Variants in GK5 observed in about 807,000 individuals in gnomAD.
The protein encoded by GK5 is ATP:glycerol 3-phosphotransferase 5.
A neutral mutation model predicts 77.3 loss-of-function variants in GK5; 39 were observed. The ratio of observed to expected loss-of-function variants is 0.50; its 90% CI spans 0.39 to 0.66. The LOEUF is 0.66. Among genes scored for constraint, GK5 ranks in the 30% least tolerant of loss-of-function variants. The pLI, the probability that GK5 is intolerant of heterozygous loss-of-function variation, is 0.00. For missense variants in GK5, 487 were observed against 633.8 expected (o/e 0.77, Z 2.49); for synonymous variants, 211 against 208.0 (o/e 1.01, Z -0.13).
chr3:142,183,079 T>G, intron 9 of GK5, 30 bp from the exon 10 acceptor site: 1 of 1,608,812 alleles, frequency 6.2e-7, no homozygotes. Context: ...GTAAACCCAT[T>G]GCCCTTAACA....
intron 12 of GK5, among the ~76,000 whole-genome samples, chr3:142,175,280 C>T (rs1276992569): frequency 1.3e-5 from 2 of 152,094 alleles, no homozygotes; most frequent in Non-Finnish European, 2.9e-5. Flanking sequence ...CTAACTGATG[C>T]CACCCCCAGT....
intron 12 of GK5, among the ~76,000 whole-genome samples, chr3:142,176,054 T>G (rs1271418354): frequency 6.6e-6 from 1 of 151,888 alleles, no homozygotes; most frequent in Non-Finnish European, 1.5e-5. Flanking sequence ...AGATAAAAAA[T>G]TTTCACTTTC....
chr3:142,190,703 G>C (rs1446868405), intron 5 of GK5, among the ~76,000 whole-genome samples: 1 of 152,150 alleles, frequency 6.6e-6, no homozygotes, highest in Non-Finnish European at 1.5e-5. Flanking sequence ...ATTTGATAAA[G>C]TACAAAGGAT....
intron 9 of GK5, chr3:142,185,271 G>C (rs2063753275): frequency 2.9e-6 from 1 of 348,266 alleles, no homozygotes; most frequent in African/African-American, 2.2e-5. Flanking sequence ...AAATTAGCCA[G>C]GTGTCGTGGC....
In GK5 at chr3:142,170,589, C is replaced by G. The variant is rs1163412449; in HGVS notation, c.1308-131G>C. On this transcript the variant is annotated intron_variant, in intron 14 of 15. Transcript: ENST00000392993. The stretch of plus-strand genomic sequence containing the variant: ...TTACTTTTTAATTCTAAAATTAAAT[C>G]ACTTAGCATTAACCTAATGACAGAG... The G allele has an allele frequency of 1.4e-5, 10 of 719,226 alleles. No individual in the cohort carries two copies. The East Asian group carries it at 1.7e-4, about 12-fold the overall frequency. The allele number at this position is 719,226 out of a possible 1,614,324, so 44.6% of individuals were successfully genotyped here.
Position 142,204,675 on chromosome 3 carries a change from T to A in GK5, c.411+20A>T, listed in dbSNP as rs755524536. ...AAAAAAAAAACCAACAATATCCAAA[T>A]CACACAAGAAAAAGATTACCTTCAT... On this transcript the variant is annotated intron_variant, in intron 4 of 15. Coordinates refer to ENST00000392993, the MANE Select transcript of GK5 (RefSeq NM_001039547.3). 3.1e-6 allele frequency: 4 copies of A among 1,272,580 alleles called. No homozygotes were observed. The highest frequency in any genetic ancestry group is 4.6e-6 in the Non-Finnish European group (4 of 872,308). 78.8% of individuals were successfully genotyped at this position (1,272,580 alleles called of 1,614,324 possible). A position where few individuals can be genotyped will look rare whatever the true frequency, so the allele number is the denominator to read the frequency against.
chr3:142,185,052 A>G, intron 9 of GK5: 1 of 985,340 alleles, frequency 1.0e-6, no homozygotes, highest in Non-Finnish European at 1.2e-6. Context: ...ACATCTTGCA[A>G]CAGGTGGTCT....
At chr3:142,181,619 AG>A in intron 10 of GK5, 54 bp from the exon 11 acceptor site, 14 of 1,195,708 alleles carry the variant, frequency 1.2e-5, no homozygotes, top group Non-Finnish European at 1.7e-5. Flanking sequence ...TTCATTATAG[AG>A]ACTTCTACAA....
chr3:142,167,955 T>A (rs1167165114), intron 15 of GK5, among the ~76,000 whole-genome samples: 1 of 152,184 alleles, frequency 6.6e-6, no homozygotes, highest in Non-Finnish European at 1.5e-5. Flanking sequence ...GAGGTTTCAG[T>A]GAGCTGAGAT....
At chr3:142,220,301 A>C (rs1438169603) in intron 1 of GK5, among the ~76,000 whole-genome samples, 1 of 152,104 alleles carries the variant, frequency 6.6e-6, no homozygotes, top group Non-Finnish European at 1.5e-5. Context: ...ACGCCTGGCT[A>C]ATTTTTTGTA....
chr3:142,215,241 T>C (rs892851778), intron 2 of GK5, among the ~76,000 whole-genome samples: 9 of 152,220 alleles, frequency 5.9e-5, no homozygotes, highest in Non-Finnish European at 1.2e-4. Context: ...AATAACTCAG[T>C]TGTAAACCCA....
intron 3 of GK5, among the ~76,000 whole-genome samples, 171 bp from the exon 4 acceptor site, chr3:142,204,959 CACA>C (rs2064083056): frequency 6.6e-6 from 1 of 152,156 alleles, no homozygotes; most frequent in South Asian, 2.1e-4. Context: ...GAACACACTG[CACA>C]ACAATTATGT....
chr3:142,183,128 T>C, intron 9 of GK5, 79 bp from the exon 10 acceptor site: 2 of 1,249,990 alleles, frequency 1.6e-6, no homozygotes, highest in Non-Finnish European at 2.3e-6. Flanking sequence ...TCACTTATTG[T>C]ACTCTCATGA....
intron 2 of GK5, 129 bp downstream of exon 2, chr3:142,215,470 G>C (rs770710827): frequency 7.9e-6 from 4 of 505,518 alleles, no homozygotes; most frequent in African/African-American, 4.0e-5. Flanking sequence ...AAAATACTGG[G>C]AAACTGTAAT....
At chr3:142,206,685 C>T (rs959108583) in intron 3 of GK5, among the ~76,000 whole-genome samples, 15 of 152,140 alleles carry the variant, frequency 9.9e-5, no homozygotes, top group Non-Finnish European at 1.6e-4. Flanking sequence ...TTACATGCTT[C>T]GAGGTTACAA....
Position 142,159,585 on chromosome 3 carries a change from T to C in GK5, c.*6037A>G, listed in dbSNP as rs952463254. 6.7e-6 allele frequency: 1 copy of C among 150,282 alleles called. No individual in the cohort carries two copies. The highest frequency in any genetic ancestry group is 1.5e-5 in the Non-Finnish European group (1 of 67,806). 9.3% of individuals were successfully genotyped at this position (150,282 alleles called of 1,614,324 possible). ...ATACAGCCAATGACTTAGGTGCCAA[T>C]AGATGCTGGTGCCAAAATATTTATG... On this transcript the variant is annotated 3_prime_UTR_variant, in exon 16 of 16. Coordinates refer to ENST00000392993, the MANE Select transcript of GK5 (RefSeq NM_001039547.3).
intron 3 of GK5, among the ~76,000 whole-genome samples, chr3:142,208,681 T>C (rs1353078797): frequency 2.0e-5 from 3 of 152,234 alleles, no homozygotes; most frequent in Non-Finnish European, 4.4e-5. Context: ...AAATCTGATG[T>C]TCAATCACTG....
chr3:142,167,727 T>C (rs1295270195), intron 15 of GK5, among the ~76,000 whole-genome samples: 1 of 152,142 alleles, frequency 6.6e-6, no homozygotes, highest in Non-Finnish European at 1.5e-5. Flanking sequence ...AACCTGCATG[T>C]GGGGCTGGGC....
Position 142,163,631 on chromosome 3 carries a change from G to A in GK5, c.*1991C>T, listed in dbSNP as rs1417736196. 6.6e-6 allele frequency: 1 copy of A among 151,972 alleles called. No homozygotes were observed. The highest frequency in any genetic ancestry group is 1.5e-5 in the Non-Finnish European group (1 of 68,028). The allele number at this position is 151,972 out of a possible 1,614,324, so 9.4% of individuals were successfully genotyped here. Reference sequence around the variant, plus strand: ...GGAAAGAAGAACGTGGAAAAGAAGTGAACTAACAAATTTTCAGGTATTAAT... The same window carrying A: ...GGAAAGAAGAACGTGGAAAAGAAGTAAACTAACAAATTTTCAGGTATTAAT... On this transcript the variant is annotated 3_prime_UTR_variant, in exon 16 of 16. Coordinates refer to ENST00000392993, the MANE Select transcript of GK5 (RefSeq NM_001039547.3).
Sources: allele counts gnomAD v4.1 joint callset (sites outside exome capture counted in the v4.1 genomes callset), GRCh38; gene constraint gnomAD v4.1.1; transcripts MANE v1.5; gene names NCBI Gene and HGNC (gene_info 2026-07-23, HGNC 2026-07-21).